GUCY2F: variants seen among roughly 807,000 people sequenced by gnomAD.
GUCY2F encodes the protein guanylate cyclase 2F, retinal.
GUCY2F carries 61 observed loss-of-function variants against 73.1 expected under a neutral mutation model. That is an observed-to-expected ratio of 0.83 (90% CI 0.68 to 1.03). The LOEUF is 1.03. Ranked by LOEUF, GUCY2F falls within the 50% of genes least tolerant of loss-of-function variation. The pLI is 0.00. For missense variants in GUCY2F, 912 were observed against 854.3 expected, an observed-to-expected ratio of 1.07 and a Z score of -0.84; for synonymous variants, 331 against 307.8, an observed-to-expected ratio of 1.08 and a Z score of -0.79.
chrX:109,426,555 A>AT (rs1372475048), intron 8 of GUCY2F, among the ~76,000 whole-genome samples: 1 of 110,922 alleles, frequency 9.0e-6, no homozygotes, highest in Non-Finnish European at 1.9e-5. Flanking sequence ...CGCCTGGCTA[A>AT]TTTTTTTGTA....
Position 109,377,320 on chromosome X carries a change from T to C in GUCY2F, c.3151-1153A>G, listed in dbSNP as rs142464189. Among the ~76,000 whole-genome samples, 599 of 111,763 alleles carry C rather than the reference T, an allele frequency of 5.4e-3. 3 individuals carry two copies. The highest frequency in any genetic ancestry group is 0.019 in the African/African-American group (580 of 30,744). ...CCTCAAATAGTTCAAATAATTGGAC[T>C]ATTTGAGCCCACTCTGTTTTCAGAA... On this transcript the variant is annotated intron_variant, in intron 17 of 19. Coordinates refer to ENST00000218006, the MANE Select transcript of GUCY2F (RefSeq NM_001522.3).
chrX:109,392,962 G>T lies in GUCY2F; in HGVS notation c.2518C>A (p.Arg840=). 8.6e-7 allele frequency: 1 copy of T among 1,165,922 alleles called. No individual in the cohort carries two copies. The highest frequency in any genetic ancestry group is 1.2e-6 in the Non-Finnish European group (1 of 854,305). Residue 840 remains arginine (R), a synonymous_variant, in exon 13 of 20, where the codon CGG becomes AGG. Coordinates refer to ENST00000218006, the MANE Select transcript of GUCY2F (RefSeq NM_001522.3). ...QYSSNLEDLI[R]ERTEELEIEK... is the part of the protein sequence containing the mutation. ...ATTTCCAGCTCTTCAGTCCGCTCCC[G>T]AATCAAATCTTCCAAGTTGCTAGAA...
At position 109,475,322 on chromosome X, in the gene GUCY2F, G is replaced by A. The variant is rs201431183; in HGVS notation, c.615C>T (p.Val205=). ...EDIWVHTANR[V]ASALRSHGLP... ...AGCCGTGGCTCCGAAGAGCACTTGC[G>A]ACTCGATTGGCTGTATGCACCCAAA... Residue 205 remains valine (V), a synonymous_variant, in exon 2 of 20, where the codon GTC becomes GTT. Transcript: ENST00000218006. The A allele has an allele frequency of 8.3e-7, 1 of 1,208,992 alleles. No homozygotes were observed. Among genetic ancestry groups the A allele is most frequent in the Non-Finnish European group, 1.1e-6 (1 of 894,616 alleles).
intron 19 of GUCY2F, 50 bp downstream of exon 19, chrX:109,375,848 A>C (rs1213073687): frequency 1.1e-6 from 1 of 930,718 alleles, no homozygotes; most frequent in Admixed American, 2.2e-5. Context: ...GAAGCCCCAG[A>C]TTTGAAAATT....
intron 3 of GUCY2F, among the ~76,000 whole-genome samples, chrX:109,464,827 A>G (rs1353810734): frequency 8.9e-6 from 1 of 112,809 alleles, no homozygotes; most frequent in Admixed American, 9.3e-5. Context: ...CACCACAAAC[A>G]GGACTTATTT....
chrX:109,406,599 T>C (rs1930977438), intron 9 of GUCY2F, among the ~76,000 whole-genome samples: 1 of 110,718 alleles, frequency 9.0e-6, no homozygotes, highest in Non-Finnish European at 1.9e-5. Context: ...GGGTAAAAAC[T>C]TGGGAAGGAA....
At chrX:109,413,436 ACT>A (rs2147262622) in intron 8 of GUCY2F, among the ~76,000 whole-genome samples, 1 of 108,281 alleles carries the variant, frequency 9.2e-6, no homozygotes, top group African/African-American at 3.4e-5. Context: ...ATGGAGTCTG[ACT>A]CTGTCACCTA....
rs1238945819 is a variant in GUCY2F, at chrX:109,398,790, A to G, written c.2126-92T>C. ...GGGCTCAGAGGGTACTGTTTTATTG[A>G]CTGCCTTATATTTTTATTAGACAGA... On this transcript the variant is annotated intron_variant, in intron 10 of 19. Coordinates refer to ENST00000218006, the MANE Select transcript of GUCY2F (RefSeq NM_001522.3). 8.9e-6 allele frequency: 7 copies of G among 788,024 alleles called. No individual in the cohort carries two copies. In the East Asian group the frequency reaches 2.3e-4, roughly 26 times the overall value. 64.9% of individuals were successfully genotyped at this position (788,024 alleles called of 1,213,427 possible). A position where few individuals can be genotyped will look rare whatever the true frequency, so the allele number is the denominator to read the frequency against.
intron 2 of GUCY2F, among the ~76,000 whole-genome samples, chrX:109,469,922 A>G (rs112002945): frequency 0.014 from 1,609 of 111,585 alleles, 33 homozygotes; most frequent in African/African-American, 0.048. Context: ...GGCTATCTCT[A>G]TCAGCTAAGG....
At position 109,430,504 on chromosome X, in the gene GUCY2F, T is replaced by C. The variant is rs112753309; in HGVS notation, c.1702-108A>G. ...TTTATACCTATACCAGCAATCCAAA[T>C]AGACATTTTCCTTCTCTCCCACCCT... On this transcript the variant is annotated intron_variant, in intron 7 of 19. Transcript: ENST00000218006. 519 of 504,484 alleles carry C rather than the reference T, an allele frequency of 1.0e-3. 3 individuals carry two copies. The African/African-American group carries it at 0.011, about 11-fold the overall frequency. The allele number at this position is 504,484 out of a possible 1,213,427, so 41.6% of individuals were successfully genotyped here.
In GUCY2F at chrX:109,482,063, C is replaced by A. The variant is rs900546984; in HGVS notation, c.-283G>T. ...AAATGTTTTGAAAATCACTCTTCAG[C>A]ATCCGCAGACCAAGACTTGGATTAG... On this transcript the variant is annotated 5_prime_UTR_variant, in exon 1 of 20. An upstream start codon of the reference 5' UTR is lost. Coordinates refer to ENST00000218006, the MANE Select transcript of GUCY2F (RefSeq NM_001522.3). 8.0e-5 allele frequency: 9 copies of A among 112,125 alleles called. No individual in the cohort carries two copies. Among genetic ancestry groups the A allele is most frequent in the African/African-American group, 2.9e-4 (9 of 30,817 alleles). The allele number at this position is 112,125 out of a possible 1,213,427, so 9.2% of individuals were successfully genotyped here.
chrX:109,396,026 G>A (rs920457238), intron 11 of GUCY2F, among the ~76,000 whole-genome samples: 2 of 112,387 alleles, frequency 1.8e-5, no homozygotes, highest in African/African-American at 3.2e-5. Flanking sequence ...TACCAGTAAT[G>A]TGCTGAACGC....
At chrX:109,472,611 G>A (rs1932598272) in intron 2 of GUCY2F, among the ~76,000 whole-genome samples, 1 of 112,355 alleles carries the variant, frequency 8.9e-6, no homozygotes, top group African/African-American at 3.2e-5. Flanking sequence ...GATCCGGTAT[G>A]TGCTACGGAT....
At chrX:109,418,490 T>G (rs1169852570) in intron 8 of GUCY2F, among the ~76,000 whole-genome samples, 1 of 111,895 alleles carries the variant, frequency 8.9e-6, no homozygotes, top group Admixed American at 9.4e-5. Context: ...ATGAGAAATC[T>G]ATTAATTATG....
intron 3 of GUCY2F, 101 bp downstream of exon 3, chrX:109,465,041 G>A (rs1472015492): frequency 6.9e-6 from 4 of 582,259 alleles, no homozygotes; most frequent in African/African-American, 6.8e-5. Context: ...GCCTGCCATT[G>A]ACTGGGCCTC....
chrX:109,377,786 A>C (rs771657761), intron 17 of GUCY2F, among the ~76,000 whole-genome samples: 2 of 111,621 alleles, frequency 1.8e-5, no homozygotes, highest in East Asian at 5.7e-4. Flanking sequence ...AGCTTTGTAG[A>C]GGGATTGTCC....
intron 7 of GUCY2F, among the ~76,000 whole-genome samples, chrX:109,434,864 C>A (rs1421828573): frequency 9.0e-6 from 1 of 111,209 alleles, no homozygotes; most frequent in Non-Finnish European, 1.9e-5. Context: ...GTTTTCCCAG[C>A]ACCATTTATT....
Position 109,481,888 on chromosome X carries a change from T to C in GUCY2F, c.-108A>G. 1 of 111,692 alleles carries C rather than the reference T, an allele frequency of 9.0e-6. No individual in the cohort carries two copies. The highest frequency in any genetic ancestry group is 1.9e-5 in the Non-Finnish European group (1 of 53,101). The allele number at this position is 111,692 out of a possible 1,213,427, so 9.2% of individuals were successfully genotyped here. On this transcript the variant is annotated 5_prime_UTR_variant, in exon 1 of 20. Coordinates refer to ENST00000218006, the MANE Select transcript of GUCY2F (RefSeq NM_001522.3). Reference sequence around the variant, plus strand: ...CACCAAGTAATTCACCGCTCAAATGTCTTCAGTTTACTGCCTGCGCATGCA... The same window carrying C: ...CACCAAGTAATTCACCGCTCAAATGCCTTCAGTTTACTGCCTGCGCATGCA...
chrX:109,406,390 T>C (rs769440696), intron 9 of GUCY2F, among the ~76,000 whole-genome samples: 2 of 111,571 alleles, frequency 1.8e-5, no homozygotes, highest in Non-Finnish European at 3.8e-5. Flanking sequence ...CACCAAATAA[T>C]CTGGGAATGA....
Sources: gnomAD v4.1 joint callset for allele counts (sites outside exome capture counted in the v4.1 genomes callset) on GRCh38, gnomAD v4.1.1 for gene constraint, MANE v1.5 for transcripts, NCBI Gene and HGNC (gene_info 2026-07-23, HGNC 2026-07-21) for gene names.